DAB1: variants seen among roughly 807,000 people sequenced by gnomAD.
DAB1 encodes the protein DAB adaptor protein 1.
DAB1 carries 15 observed loss-of-function variants against 64.6 expected under a neutral mutation model. The observed-to-expected ratio is 0.23, with a 90% CI of 0.16 to 0.36. The LOEUF (loss-of-function observed/expected upper bound fraction) is 0.36. Ranked by LOEUF, DAB1 falls within the 10% of genes least tolerant of loss-of-function variation. The probability of loss-of-function intolerance (pLI) is 1.00; values close to 1 mark genes in which losing one functional copy is unlikely to be tolerated. For synonymous variants in DAB1, 235 were observed against 251.9 expected (o/e 0.93, Z 0.64); for missense variants, 596 against 706.7 (o/e 0.84, Z 1.78).
At chr1:57,602,037 T>C (rs921201385) in intron 7 of DAB1, among the ~76,000 whole-genome samples, 3 of 152,232 alleles carry the variant, frequency 2.0e-5, no homozygotes, top group Non-Finnish European at 4.4e-5. Flanking sequence ...TATAGCTTTA[T>C]AGCTGTGTAA....
At chr1:58,492,213 C>T (rs1234803604) in intron 3 of DAB1, among the ~76,000 whole-genome samples, 1 of 151,916 alleles carries the variant, frequency 6.6e-6, no homozygotes, top group African/African-American at 2.4e-5. Context: ...TCTTTGAAAC[C>T]AACGAGAACA....
intron 7 of DAB1, among the ~76,000 whole-genome samples, chr1:57,563,831 C>G (rs536835825): frequency 6.6e-6 from 1 of 152,296 alleles, no homozygotes; most frequent in Admixed American, 6.5e-5. Flanking sequence ...CTCAAGATGG[C>G]CTGCCTGCCT....
intron 1 of DAB1, among the ~76,000 whole-genome samples, chr1:57,365,657 T>C (rs1371093450): frequency 3.3e-5 from 5 of 151,998 alleles, no homozygotes; most frequent in African/African-American, 1.2e-4. Context: ...ATGATTCAAG[T>C]GAGGTCTCTC....
At chr1:57,207,030 G>A (rs1352202643) in intron 2 of DAB1, among the ~76,000 whole-genome samples, 9 of 133,830 alleles carry the variant, frequency 6.7e-5, no homozygotes, top group Non-Finnish European at 9.2e-5. Flanking sequence ...GTGTAATGGC[G>A]CAGTCTCGGC....
chr1:58,227,138 GT>G (rs933290381), intron 4 of DAB1, among the ~76,000 whole-genome samples: 1 of 152,202 alleles, frequency 6.6e-6, no homozygotes, highest in African/African-American at 2.4e-5. Context: ...TCTGGGAAAG[GT>G]TTGTTCTTCC....
chr1:57,631,042 G>C (rs1181269061), intron 7 of DAB1, among the ~76,000 whole-genome samples: 2 of 152,106 alleles, frequency 1.3e-5, no homozygotes, highest in Non-Finnish European at 1.5e-5. Flanking sequence ...TGGATACAGG[G>C]ACTTGTGCAT....
intron 5 of DAB1, chr1:58,071,403 T>TGTGTGTGTGTGG (rs879345033): frequency 1.3e-5 from 2 of 148,834 alleles, no homozygotes; most frequent in Non-Finnish European, 2.8e-5. Flanking sequence ...TGTGTGTGTG[T>TGTGTGTGTGTGG]GTGGGTGGGG....
At chr1:58,110,813 A>G (rs1651926375) in intron 5 of DAB1, among the ~76,000 whole-genome samples, 1 of 152,238 alleles carries the variant, frequency 6.6e-6, no homozygotes, top group Non-Finnish European at 1.5e-5. Context: ...CATGTTAGTT[A>G]TCACTTCATT....
intron 6 of DAB1, among the ~76,000 whole-genome samples, chr1:57,727,726 C>CCTTCCTTCCTTCCTTCCT (rs1647239817): frequency 1.5e-5 from 2 of 137,022 alleles, no homozygotes; most frequent in African/African-American, 5.4e-5. Context: ...CCTTCCTTCT[C>CCTTCCTTCCTTCCTTCCT]TCCTTCCTTC....
chr1:58,488,138 A>T (rs1028858703), intron 3 of DAB1, among the ~76,000 whole-genome samples: 2 of 152,222 alleles, frequency 1.3e-5, no homozygotes, highest in African/African-American at 2.4e-5. Context: ...GTAAAAACTC[A>T]TGAAAATATA....
chr1:57,485,089 A>G (rs1417890884), intron 7 of DAB1, among the ~76,000 whole-genome samples: 1 of 152,234 alleles, frequency 6.6e-6, no homozygotes, highest in African/African-American at 2.4e-5. Flanking sequence ...GCCAACCTCA[A>G]GATCTACAGG....
rs184389669 is a variant in DAB1 at position 58,178,809 on chromosome 1, A to G, written n.310-28221T>C. Among the ~76,000 whole-genome samples, 4 of 152,276 alleles carry G rather than the reference A, an allele frequency of 2.6e-5. No individual in the cohort carries two copies. In the East Asian group the frequency reaches 5.8e-4, roughly 22 times the overall value. On this transcript the variant is annotated intron_variant and non_coding_transcript_variant, in intron 4 of 20. Transcript: ENST00000485760. ...TGTACACAAACTGAATGCAGGCCAA[A>G]TTTAACCCTTGCCAATTCCTGGCTA...
rs1055577202 is a variant in DAB1, at chr1:58,213,385, G to T, written n.310-62797C>A. Among the ~76,000 whole-genome samples the T allele has an allele frequency of 3.3e-5, 5 of 152,272 alleles. No homozygotes were observed. In the East Asian group the frequency reaches 9.6e-4, roughly 29 times the overall value. On this transcript the variant is annotated intron_variant and non_coding_transcript_variant, in intron 4 of 20. Coordinates refer to the DAB1 transcript ENST00000485760. ...ACCCGAGACAGGGTAATTTATAAAG[G>T]AAAGAGGTTGAACTGAGTCACAGTT...
At chr1:58,031,427 G>A (rs552477178) in intron 5 of DAB1, among the ~76,000 whole-genome samples, 7 of 152,228 alleles carry the variant, frequency 4.6e-5, no homozygotes, top group South Asian at 4.2e-4. Context: ...TAGGTAAAAC[G>A]GATGGGAAAA....
chr1:57,549,042 C>T (rs971147273), intron 7 of DAB1, among the ~76,000 whole-genome samples: 2 of 152,138 alleles, frequency 1.3e-5, no homozygotes, highest in African/African-American at 4.8e-5. Context: ...TATATTGCCT[C>T]TCAAAGAAAT....
chr1:57,489,428 G>C (rs542497133), intron 7 of DAB1, among the ~76,000 whole-genome samples: 19 of 152,166 alleles, frequency 1.2e-4, no homozygotes, highest in African/African-American at 4.3e-4. Context: ...AACCATCTCT[G>C]GGACTCGGGA....
intron 2 of DAB1, among the ~76,000 whole-genome samples, chr1:57,203,033 G>A (rs143033357): frequency 0.01 from 1,526 of 152,270 alleles, 12 homozygotes; most frequent in Non-Finnish European, 0.016. Context: ...TCTATTCATT[G>A]GATTCTGAGT....
intron 4 of DAB1, among the ~76,000 whole-genome samples, chr1:58,208,957 A>C (rs1012278981): frequency 6.6e-6 from 1 of 152,206 alleles, no homozygotes; most frequent in Non-Finnish European, 1.5e-5. Flanking sequence ...GACTGGAGTT[A>C]ATTAAGAGAA....
At chr1:57,890,072 C>G (rs1010340475) in intron 5 of DAB1, among the ~76,000 whole-genome samples, 4 of 151,942 alleles carry the variant, frequency 2.6e-5, no homozygotes, top group African/African-American at 4.8e-5. Flanking sequence ...AGCCCACGGT[C>G]GAGTGGGAGG....
Sources: gnomAD v4.1 joint callset for allele counts (sites outside exome capture counted in the v4.1 genomes callset) on GRCh38, gnomAD v4.1.1 for gene constraint, MANE v1.5 for transcripts, NCBI Gene and HGNC (gene_info 2026-07-23, HGNC 2026-07-21) for gene names.